Variants in VWA8 observed in about 807,000 individuals in gnomAD.
VWA8 encodes the protein von Willebrand factor A domain-containing protein 8.
VWA8 carries 221 observed loss-of-function variants against 241.5 expected under a neutral mutation model. The observed-to-expected ratio is 0.91, with a 90% CI of 0.82 to 1.02. The LOEUF is 1.02. VWA8 is among the 50% of genes least tolerant of loss of function. The pLI, the probability that VWA8 is intolerant of heterozygous loss-of-function variation, is 0.00. For missense variants in VWA8, 2,322 were observed against 2,328.7 expected, an observed-to-expected ratio of 1.00 and a Z score of 0.06; for synonymous variants, 852 against 827.1, an observed-to-expected ratio of 1.03 and a Z score of -0.52.
intron 17 of VWA8, among the ~76,000 whole-genome samples, chr13:41,802,546 A>G (rs1870007474): frequency 6.6e-6 from 1 of 152,104 alleles, no homozygotes; most frequent in South Asian, 2.1e-4. Context: ...CCCTTCCTCA[A>G]CTCCAGGCAG....
chr13:41,617,276 G>A (rs767955721), intron 37 of VWA8, among the ~76,000 whole-genome samples: 1 of 151,924 alleles, frequency 6.6e-6, no homozygotes, highest in Non-Finnish European at 1.5e-5. Flanking sequence ...CTGCCACCAC[G>A]CCCAGCTAAT....
intron 37 of VWA8, among the ~76,000 whole-genome samples, chr13:41,668,995 G>C (rs1300220580): frequency 1.3e-5 from 2 of 151,992 alleles, no homozygotes. Flanking sequence ...TAGAGACAGG[G>C]TCTTGTTTTG....
chr13:41,814,947 CAA>C (rs1179829399), intron 16 of VWA8, among the ~76,000 whole-genome samples: 2 of 151,984 alleles, frequency 1.3e-5, no homozygotes, highest in Admixed American at 1.3e-4. Context: ...TACATTATGT[CAA>C]AGAGTAAGAA....
At chr13:41,726,163 C>CT (rs572240724) in intron 24 of VWA8, among the ~76,000 whole-genome samples, 180 of 151,962 alleles carry the variant, frequency 1.2e-3, no homozygotes, top group African/African-American at 4.2e-3. Flanking sequence ...AACTTATTCT[C>CT]TTTTTTTAAA....
At chr13:41,774,953 T>C (rs1480187954) in intron 20 of VWA8, among the ~76,000 whole-genome samples, 1 of 152,106 alleles carries the variant, frequency 6.6e-6, no homozygotes. Flanking sequence ...ACATTGCCAC[T>C]CTGAGGTTAA....
intron 4 of VWA8, among the ~76,000 whole-genome samples, chr13:41,892,655 C>A (rs1332280211): frequency 6.6e-6 from 1 of 152,170 alleles, no homozygotes; most frequent in African/African-American, 2.4e-5. Context: ...CTCATTAGTA[C>A]CTCATATGGG....
At chr13:41,767,951 C>T (rs73183372) in intron 20 of VWA8, among the ~76,000 whole-genome samples, 2,129 of 152,280 alleles carry the variant, frequency 0.014, 14 homozygotes, top group East Asian at 0.02. Flanking sequence ...AAAATATTCA[C>T]TAAGAAACAA....
intron 41 of VWA8, 139 bp downstream of exon 41, chr13:41,590,498 CTTT>C (rs5803096): frequency 2.1e-3 from 1,393 of 650,748 alleles, no homozygotes; most frequent in South Asian, 2.5e-3. Context: ...TCTTCTTCTT[CTTT>C]TTTTTTTTTT....
At position 41,691,946 on chromosome 13, in the gene VWA8, CAAACA is replaced by C; in HGVS notation, c.3676-13_3676-9del. Reference sequence around the variant, plus strand: ...ACACATTTTATAAGTTTCCTAAAGACAAACAAAACAAGATATTCATATTAAATGTG... The same window carrying C: ...ACACATTTTATAAGTTTCCTAAAGACAAACAAGATATTCATATTAAATGTG... On this transcript the variant is annotated splice_polypyrimidine_tract_variant and intron_variant, in intron 30 of 44. Transcript: ENST00000379310. 1 of 1,578,780 alleles carries C rather than the reference CAAACA, an allele frequency of 6.3e-7. No homozygotes were observed. Among genetic ancestry groups the C allele is most frequent in the Non-Finnish European group, 8.7e-7 (1 of 1,148,932 alleles).
At chr13:41,878,423 C>CT (rs200400485) in intron 9 of VWA8, among the ~76,000 whole-genome samples, 20,581 of 145,542 alleles carry the variant, frequency 0.14, 1,521 homozygotes, top group East Asian at 0.19. Context: ...CTCTTCCACT[C>CT]TTTTTTTTTT....
chr13:41,626,463 C>A (rs1468092426), intron 37 of VWA8, among the ~76,000 whole-genome samples: 2 of 152,094 alleles, frequency 1.3e-5, no homozygotes, highest in African/African-American at 4.8e-5. Flanking sequence ...ACAGCCAAAA[C>A]AATCCTAAGC....
At chr13:41,733,300 A>G (rs1260110241) in intron 21 of VWA8, among the ~76,000 whole-genome samples, 1 of 152,248 alleles carries the variant, frequency 6.6e-6, no homozygotes, top group Non-Finnish European at 1.5e-5. Flanking sequence ...TAGAAGAAAT[A>G]TAATAAAAAT....
At chr13:41,883,790 A>C (rs1874381255) in intron 8 of VWA8, among the ~76,000 whole-genome samples, 1 of 152,152 alleles carries the variant, frequency 6.6e-6, no homozygotes, top group Non-Finnish European at 1.5e-5. Flanking sequence ...TCAATTGTTC[A>C]TTACATGTGA....
intron 12 of VWA8, among the ~76,000 whole-genome samples, chr13:41,841,365 C>A (rs1871991030): frequency 6.6e-6 from 1 of 152,032 alleles, no homozygotes; most frequent in African/African-American, 2.4e-5. Flanking sequence ...CCAAATACAG[C>A]TAGTCTTTAT....
chr13:41,755,401 C>T (rs1428483913), intron 21 of VWA8, among the ~76,000 whole-genome samples: 1 of 151,742 alleles, frequency 6.6e-6, no homozygotes, highest in Non-Finnish European at 1.5e-5. Context: ...ACTTAGGGCC[C>T]TTGTTAAAAT....
intron 42 of VWA8, among the ~76,000 whole-genome samples, chr13:41,586,162 TAAAAAAAAAA>T: frequency 7.4e-6 from 1 of 135,174 alleles, no homozygotes; most frequent in South Asian, 2.3e-4. Flanking sequence ...CCATAAAGCA[TAAAAAAAAAA>T]AAATCAAGGA....
chr13:41,774,976 G>C (rs1437552821), intron 20 of VWA8, among the ~76,000 whole-genome samples: 2 of 152,170 alleles, frequency 1.3e-5, no homozygotes, highest in Non-Finnish European at 2.9e-5. Context: ...GAATGTGAAT[G>C]GGCAAAGGTA....
At chr13:41,914,256 A>G (rs1324119702) in intron 2 of VWA8, among the ~76,000 whole-genome samples, 2 of 152,236 alleles carry the variant, frequency 1.3e-5, no homozygotes, top group Non-Finnish European at 2.9e-5. Flanking sequence ...TCTTGGGGTT[A>G]GGAAGGAATA....
chr13:41,756,341 T>G (rs2045694917), intron 21 of VWA8, among the ~76,000 whole-genome samples: 1 of 151,772 alleles, frequency 6.6e-6, no homozygotes, highest in Non-Finnish European at 1.5e-5. Context: ...TGTCTCCTTT[T>G]TCGCTGGTTA....
Sources: gnomAD v4.1 joint callset for allele counts (sites outside exome capture counted in the v4.1 genomes callset) on GRCh38, gnomAD v4.1.1 for gene constraint, MANE v1.5 for transcripts, NCBI Gene and HGNC (gene_info 2026-07-23, HGNC 2026-07-21) for gene names.